Variants in ARHGAP32 observed in about 807,000 individuals in gnomAD.
ARHGAP32 encodes the protein rho GTPase-activating protein 32.
ARHGAP32 carries 51 observed loss-of-function variants against 186.5 expected under a neutral mutation model. That is an observed-to-expected ratio of 0.27 (90% confidence interval 0.22 to 0.35). The LOEUF is 0.35. Among genes scored for constraint, ARHGAP32 ranks in the 10% least tolerant of loss-of-function variants. The probability of loss-of-function intolerance (pLI) is 1.00; values close to 1 mark genes in which losing one functional copy is unlikely to be tolerated. For synonymous variants in ARHGAP32, 950 were observed against 964.3 expected (o/e 0.99, Z 0.27); for missense variants, 2,186 against 2,623.5 (o/e 0.83, Z 3.64).
intron 1 of ARHGAP32, among the ~76,000 whole-genome samples, chr11:129,242,958 T>G (rs1421794516): frequency 2.0e-5 from 3 of 152,010 alleles, no homozygotes; most frequent in Non-Finnish European, 4.4e-5. Flanking sequence ...CATGACAACT[T>G]CATCCACTTC....
upstream of ARHGAP32, among the ~76,000 whole-genome samples, chr11:129,193,603 A>ATATGTT (rs1565464675): frequency 2.3e-4 from 16 of 69,698 alleles, no homozygotes; most frequent in African/African-American, 6.1e-4. Flanking sequence ...TGTTATATAT[A>ATATGTT]ATATATAATA....
At position 129,256,253 on chromosome 11, in the gene ARHGAP32, T is replaced by C. The variant is rs547035986; in HGVS notation, c.-5+22893A>G. Among the ~76,000 whole-genome samples, 27 of 152,256 alleles carry C rather than the reference T, an allele frequency of 1.8e-4. 1 individual carries two copies. The South Asian group carries it at 5.2e-3, about 29-fold the overall frequency. On this transcript the variant is annotated intron_variant, in intron 1 of 6. Coordinates refer to the ARHGAP32 transcript ENST00000525234. Reference sequence around the variant, plus strand: ...GTGAGAAGTCATAGAGTTGAATATGTATGTTCTATGCACGTACTCAACATG... The same window carrying C: ...GTGAGAAGTCATAGAGTTGAATATGCATGTTCTATGCACGTACTCAACATG...
At chr11:129,009,306 A>G (rs768614306) in intron 11 of ARHGAP32, among the ~76,000 whole-genome samples, 1 of 152,118 alleles carries the variant, frequency 6.6e-6, no homozygotes, top group Non-Finnish European at 1.5e-5. Flanking sequence ...TTAACTGGTA[A>G]TTACTAGTAT....
At chr11:129,078,518 A>C (rs1941117458) in intron 6 of ARHGAP32, among the ~76,000 whole-genome samples, 2 of 152,316 alleles carry the variant, frequency 1.3e-5, no homozygotes, top group Non-Finnish European at 2.9e-5. Flanking sequence ...TTTGAGACAG[A>C]GTCTCACTCT....
chr11:129,030,350 A>C (rs1939058177), intron 11 of ARHGAP32: 1 of 152,218 alleles, frequency 6.6e-6, no homozygotes, highest in Non-Finnish European at 1.5e-5. Context: ...CAAGCAAGTG[A>C]AAATTTAGAA....
At position 129,232,023 on chromosome 11, in the gene ARHGAP32, CAAAAAAAAAAAA is replaced by C. The variant is rs71057935; in HGVS notation, c.-5+47111_-5+47122del. The stretch of plus-strand genomic sequence containing the variant: ...CCTAGGTGACAAAGTGAGACGGACT[CAAAAAAAAAAAA>C]AAAAAAAAAAAAAAAGAGACTGCAT... On this transcript the variant is annotated intron_variant, in intron 1 of 6. Transcript: ENST00000525234. 5.0e-3 allele frequency among the ~76,000 whole-genome samples: 320 copies of C among 64,554 alleles called. 3 individuals are homozygous for C. In the South Asian group the frequency reaches 0.1, roughly 20 times the overall value. 42.3% of individuals were successfully genotyped at this position (64,554 alleles called of 152,430 possible).
At position 129,242,006 on chromosome 11, in the gene ARHGAP32, C is replaced by A. The variant is rs146135585; in HGVS notation, c.-5+37140G>T. ...CTATAGAGTAGAAATGGGAGGCAAG[C>A]TGGGATAGGGTCAGGAGACTGTTGC... On this transcript the variant is annotated intron_variant, in intron 1 of 6. Coordinates refer to the ARHGAP32 transcript ENST00000525234. Among the ~76,000 whole-genome samples, 620 of 152,244 alleles carry A rather than the reference C, an allele frequency of 4.1e-3. 5 individuals are homozygous for A. Among genetic ancestry groups the A allele is most frequent in the Middle Eastern group, 0.014 (4 of 294 alleles).
In ARHGAP32 at chr11:129,018,530, G is replaced by A. The variant is rs568019397; in HGVS notation, c.1046-20062C>T. 5.3e-5 allele frequency among the ~76,000 whole-genome samples: 8 copies of A among 152,290 alleles called. No homozygotes were observed. The East Asian group carries it at 1.5e-3, about 29-fold the overall frequency. On this transcript the variant is annotated intron_variant, in intron 11 of 22. Transcript: ENST00000682385. Reference sequence around the variant, plus strand: ...GTAAAACTAAACTTATCTTTAGCAAGCATTGTTATATGACCCAAAAGGATC... The same window carrying A: ...GTAAAACTAAACTTATCTTTAGCAAACATTGTTATATGACCCAAAAGGATC...
rs1180867962 is a variant in ARHGAP32, at chr11:129,139,870, C to G, written c.226-14976G>C. 2.0e-5 allele frequency among the ~76,000 whole-genome samples: 3 copies of G among 151,984 alleles called. No individual in the cohort carries two copies. In the East Asian group the frequency reaches 5.8e-4, roughly 29 times the overall value. On this transcript the variant is annotated intron_variant, in intron 2 of 22. Transcript: ENST00000682385. ...TTAAATATATTATGAAGTATAAATACCAGAGAAAACATGTAAGACTGTGGT... is the reference window on the plus strand; with the variant it reads ...TTAAATATATTATGAAGTATAAATAGCAGAGAAAACATGTAAGACTGTGGT...
chr11:129,204,508 A>C (rs2135580980), intron 1 of ARHGAP32, among the ~76,000 whole-genome samples: 1 of 152,286 alleles, frequency 6.6e-6, no homozygotes, highest in South Asian at 2.1e-4. Context: ...CTCCCACGAA[A>C]CTAGTTGAAG....
intron 2 of ARHGAP32, among the ~76,000 whole-genome samples, chr11:129,144,493 A>T (rs1943128218): frequency 6.6e-6 from 1 of 152,184 alleles, no homozygotes. Context: ...ATAGTGCTAA[A>T]TGGGGAATAT....
chr11:129,003,143 T>C (rs1937609361), intron 11 of ARHGAP32, among the ~76,000 whole-genome samples: 1 of 152,214 alleles, frequency 6.6e-6, no homozygotes, highest in Non-Finnish European at 1.5e-5. Context: ...TTAATTGAAA[T>C]GTTCATATGG....
chr11:129,126,400 A>G (rs1198014351), intron 2 of ARHGAP32, among the ~76,000 whole-genome samples: 2 of 152,250 alleles, frequency 1.3e-5, no homozygotes, highest in African/African-American at 4.8e-5. Flanking sequence ...ATAAGTTATC[A>G]TTCAGTTTTT....
chr11:129,009,210 C>G (rs558576230), intron 11 of ARHGAP32, among the ~76,000 whole-genome samples: 1 of 152,270 alleles, frequency 6.6e-6, no homozygotes, highest in Non-Finnish European at 1.5e-5. Context: ...AGGACACATT[C>G]CACATATTTC....
intron 1 of ARHGAP32, among the ~76,000 whole-genome samples, chr11:129,220,696 AC>A: frequency 6.6e-6 from 1 of 152,308 alleles, no homozygotes; most frequent in African/African-American, 2.4e-5. Flanking sequence ...CCACTCTAGA[AC>A]TAGTAAACTA....
At chr11:129,180,857 A>T (rs1944039582) in intron 1 of ARHGAP32, among the ~76,000 whole-genome samples, 1 of 152,166 alleles carries the variant, frequency 6.6e-6, no homozygotes, top group Non-Finnish European at 1.5e-5. Context: ...AAATTGAAAG[A>T]TTATGGGAAC....
At chr11:129,063,368 A>G (rs1940578964) in intron 9 of ARHGAP32, among the ~76,000 whole-genome samples, 1 of 152,150 alleles carries the variant, frequency 6.6e-6, no homozygotes, top group African/African-American at 2.4e-5. Context: ...TCTTTAGAGG[A>G]AAAAATTTAA....
intron 11 of ARHGAP32, among the ~76,000 whole-genome samples, chr11:129,027,846 A>C (rs1394181437): frequency 6.6e-6 from 1 of 152,192 alleles, no homozygotes; most frequent in African/African-American, 2.4e-5. Context: ...ACAAACACCA[A>C]AATGGTGGAA....
chr11:129,050,468 G>A (rs578122859), intron 10 of ARHGAP32, among the ~76,000 whole-genome samples: 1 of 152,216 alleles, frequency 6.6e-6, no homozygotes, highest in Non-Finnish European at 1.5e-5. Context: ...AGCCTCCCAA[G>A]TAGCCGGGAC....
Sources: gnomAD v4.1 joint callset for allele counts (sites outside exome capture counted in the v4.1 genomes callset) on GRCh38, gnomAD v4.1.1 for gene constraint, MANE v1.5 for transcripts, NCBI Gene and HGNC (gene_info 2026-07-23, HGNC 2026-07-21) for gene names.